ULK4: variants seen among roughly 807,000 people sequenced by gnomAD.
ULK4 encodes the protein inactive serine/threonine-protein kinase ULK4.
ULK4 carries 133 observed loss-of-function variants against 160.6 expected under a neutral mutation model. That is an observed-to-expected ratio of 0.83 (90% confidence interval 0.72 to 0.96). ULK4 has a LOEUF of 0.96. Among genes scored for constraint, ULK4 ranks in the 40% least tolerant of loss-of-function variants. The pLI is 0.00. For missense variants in ULK4, 1,580 were observed against 1,499.5 expected, an observed-to-expected ratio of 1.05 and a Z score of -0.89; for synonymous variants, 534 against 539.8, an observed-to-expected ratio of 0.99 and a Z score of 0.15.
chr3:41,252,408 GAATATATCAGTAAAAA>G (rs2078758662), intron 35 of ULK4, among the ~76,000 whole-genome samples: 1 of 152,006 alleles, frequency 6.6e-6, no homozygotes, highest in African/African-American at 2.4e-5. Context: ...TATTACAATA[GAATATATCAGTAAAAA>G]AGGAGAATAT....
rs530562271 is a variant in ULK4 at position 41,661,519 on chromosome 3, GATAGATAGATAA to G, written c.3071+2076_3071+2087del. ...CAGATAGATAGATAGATGATAGATAGATAGATAGATAAATAGATAGATAAATAGATAGATAAT... is the reference window on the plus strand; with the variant it reads ...CAGATAGATAGATAGATGATAGATAGATAGATAGATAAATAGATAGATAAT... On this transcript the variant is annotated intron_variant, in intron 30 of 36. Transcript: ENST00000301831. 4.5e-3 allele frequency among the ~76,000 whole-genome samples: 629 copies of G among 139,270 alleles called. 3 individuals are homozygous for G. Among genetic ancestry groups the G allele is most frequent in the African/African-American group, 0.016 (485 of 29,474 alleles). 91.4% of individuals were successfully genotyped at this position (139,270 alleles called of 152,430 possible).
At chr3:41,935,212 T>TATTTA (rs58410218) in intron 4 of ULK4, among the ~76,000 whole-genome samples, 1 of 1,764 alleles carries the variant, frequency 5.7e-4, no homozygotes, top group African/African-American at 6.5e-4. Flanking sequence ...TTTATTTATT[T>TATTTA]TTTTTTTTTT....
At chr3:41,352,279 T>G (rs892560492) in intron 35 of ULK4, among the ~76,000 whole-genome samples, 15 of 152,158 alleles carry the variant, frequency 9.9e-5, no homozygotes, top group Non-Finnish European at 1.5e-4. Context: ...TCATTGTAGC[T>G]ACAGAGGAAT....
At chr3:41,562,754 CT>C (rs1366117263) in intron 32 of ULK4, among the ~76,000 whole-genome samples, 1 of 151,956 alleles carries the variant, frequency 6.6e-6, no homozygotes, top group African/African-American at 2.4e-5. Flanking sequence ...CTATGTGTGT[CT>C]CTGCATGTGA....
intron 35 of ULK4, among the ~76,000 whole-genome samples, chr3:41,383,243 C>T (rs868253268): frequency 1.7e-4 from 26 of 152,074 alleles, no homozygotes; most frequent in Admixed American, 5.2e-4. Flanking sequence ...GGATTACAGG[C>T]GCCTGCCACT....
chr3:41,754,272 A>T, intron 22 of ULK4, 89 bp downstream of exon 22: 1 of 1,410,500 alleles, frequency 7.1e-7, no homozygotes, highest in South Asian at 1.6e-5. Flanking sequence ...AAAATACCAG[A>T]TACACAGAGG....
chr3:41,312,705 G>A (rs2080074615), intron 35 of ULK4, among the ~76,000 whole-genome samples: 1 of 152,016 alleles, frequency 6.6e-6, no homozygotes, highest in South Asian at 2.1e-4. Context: ...CTACTTAAGA[G>A]GCTGAGGTGG....
chr3:41,617,650 C>T (rs1180077408), intron 30 of ULK4, among the ~76,000 whole-genome samples: 1 of 152,160 alleles, frequency 6.6e-6, no homozygotes, highest in Non-Finnish European at 1.5e-5. Flanking sequence ...GCAGATAAAT[C>T]CATGAAGATG....
intron 25 of ULK4, among the ~76,000 whole-genome samples, chr3:41,714,045 C>T (rs777981696): frequency 3.3e-5 from 5 of 152,110 alleles, no homozygotes; most frequent in African/African-American, 4.8e-5. Flanking sequence ...AATATGCCAA[C>T]GCAATGGAAT....
chr3:41,558,111 A>G (rs930573015), intron 32 of ULK4, among the ~76,000 whole-genome samples: 17 of 152,152 alleles, frequency 1.1e-4, no homozygotes, highest in African/African-American at 3.9e-4. Flanking sequence ...CAATTCCAGG[A>G]ATTTCTCCTA....
intron 8 of ULK4, chr3:41,914,926 G>A (rs968824984): frequency 1.3e-5 from 2 of 152,244 alleles, no homozygotes; most frequent in Non-Finnish European, 2.9e-5. Context: ...GCTGAGGCAT[G>A]AGAAACACTT....
intron 31 of ULK4, among the ~76,000 whole-genome samples, chr3:41,588,579 A>C (rs2031009668): frequency 6.6e-6 from 1 of 152,228 alleles, no homozygotes; most frequent in Non-Finnish European, 1.5e-5. Context: ...CTGGCTGTAC[A>C]TCACACAACC....
At chr3:41,329,671 C>A (rs1477766037) in intron 35 of ULK4, among the ~76,000 whole-genome samples, 2 of 152,210 alleles carry the variant, frequency 1.3e-5, no homozygotes, top group African/African-American at 4.8e-5. Context: ...TTTTTAAGAA[C>A]TGCACAGTAT....
intron 22 of ULK4, 138 bp downstream of exon 22, chr3:41,754,223 A>G (rs1381428694): frequency 7.4e-6 from 7 of 945,126 alleles, no homozygotes; most frequent in Non-Finnish European, 1.1e-5. Context: ...AGCTGAGATT[A>G]CAGGTGAAAT....
At chr3:41,896,474 G>A (rs574321909) in intron 15 of ULK4, among the ~76,000 whole-genome samples, 6 of 152,130 alleles carry the variant, frequency 3.9e-5, no homozygotes, top group African/African-American at 1.2e-4. Context: ...GGCTGGTTTC[G>A]AACTCCTGAC....
At chr3:41,741,738 G>A (rs2038245313) in intron 22 of ULK4, among the ~76,000 whole-genome samples, 2 of 151,896 alleles carry the variant, frequency 1.3e-5, no homozygotes, top group Non-Finnish European at 2.9e-5. Flanking sequence ...GCTCTGCTAA[G>A]TACTATCCCA....
intron 17 of ULK4, among the ~76,000 whole-genome samples, chr3:41,848,085 T>C (rs1240543555): frequency 6.6e-6 from 1 of 152,194 alleles, no homozygotes; most frequent in Non-Finnish European, 1.5e-5. Flanking sequence ...GCTAAATGCA[T>C]TCAAACTGGC....
At chr3:41,321,809 A>C (rs997962620) in intron 35 of ULK4, among the ~76,000 whole-genome samples, 1 of 143,352 alleles carries the variant, frequency 7.0e-6, no homozygotes, top group Non-Finnish European at 1.5e-5. Flanking sequence ...TTTAGTAAAC[A>C]CTCTGTGCCT....
At chr3:41,772,969 C>T (rs536344336) in intron 21 of ULK4, among the ~76,000 whole-genome samples, 2 of 152,158 alleles carry the variant, frequency 1.3e-5, no homozygotes, top group Admixed American at 1.3e-4. Context: ...AAGACAAAAA[C>T]CACATGATTA....
Sources: gnomAD v4.1 joint callset for allele counts (sites outside exome capture counted in the v4.1 genomes callset) on GRCh38, gnomAD v4.1.1 for gene constraint, MANE v1.5 for transcripts, NCBI Gene and HGNC (gene_info 2026-07-23, HGNC 2026-07-21) for gene names.